The following CCDC88A variants were observed in gnomAD, a reference collection of about 807,000 sequenced individuals.
CCDC88A encodes the protein girdin.
A neutral mutation model predicts 234.3 loss-of-function variants in CCDC88A; 54 were observed. The ratio of observed to expected loss-of-function variants is 0.23; its 90% CI spans 0.19 to 0.29. The LOEUF (loss-of-function observed/expected upper bound fraction) is 0.29, where lower values mean the gene tolerates loss of function less well. Among genes scored for constraint, CCDC88A ranks in the 10% least tolerant of loss-of-function variants. The probability of loss-of-function intolerance (pLI) is 1.00; values close to 1 mark genes in which losing one functional copy is unlikely to be tolerated. For synonymous variants in CCDC88A, 753 were observed against 737.8 expected, an observed-to-expected ratio of 1.02 and a Z score of -0.33; for missense variants, 1,832 against 2,123.4, an observed-to-expected ratio of 0.86 and a Z score of 2.70.
intron 5 of CCDC88A, 33 bp from the exon 6 acceptor site, chr2:55,364,066 T>A (rs1252509227): frequency 1.1e-5 from 12 of 1,046,656 alleles, no homozygotes; most frequent in Non-Finnish European, 1.7e-5. Flanking sequence ...TTATTCATAC[T>A]TTATAGGGTA....
At chr2:55,364,791 T>C (rs1671748400) in intron 5 of CCDC88A, among the ~76,000 whole-genome samples, 1 of 152,144 alleles carries the variant, frequency 6.6e-6, no homozygotes, top group South Asian at 2.1e-4. Flanking sequence ...CAATTTAACA[T>C]GCATTTTAAT....
At chr2:55,380,703 C>G (rs1042592493) in intron 3 of CCDC88A, among the ~76,000 whole-genome samples, 1 of 152,166 alleles carries the variant, frequency 6.6e-6, no homozygotes, top group Non-Finnish European at 1.5e-5. Flanking sequence ...GCAACCTCTG[C>G]CTCCTGGGTT....
chr2:55,357,083 G>A (rs1344458405), intron 7 of CCDC88A, among the ~76,000 whole-genome samples: 3 of 152,170 alleles, frequency 2.0e-5, no homozygotes, highest in South Asian at 2.1e-4. Context: ...TATGAACAAC[G>A]GTTCTTGGAG....
chr2:55,376,989 C>G (rs1188563212), intron 3 of CCDC88A, among the ~76,000 whole-genome samples: 1 of 152,064 alleles, frequency 6.6e-6, no homozygotes, highest in Non-Finnish European at 1.5e-5. Context: ...CACCACCATG[C>G]CTGGCTAATT....
chr2:55,369,836 C>A (rs967961676), intron 5 of CCDC88A, among the ~76,000 whole-genome samples: 4 of 152,114 alleles, frequency 2.6e-5, no homozygotes, highest in African/African-American at 9.7e-5. Flanking sequence ...GAAAATACTT[C>A]TTCAATGCAC....
At chr2:55,327,752 T>C (rs758782334) in intron 17 of CCDC88A, among the ~76,000 whole-genome samples, 8 of 152,226 alleles carry the variant, frequency 5.3e-5, no homozygotes, top group Non-Finnish European at 8.8e-5. Flanking sequence ...CCCTTATATT[T>C]TGATTTACTT....
intron 3 of CCDC88A, among the ~76,000 whole-genome samples, chr2:55,382,524 GT>G (rs1000702744): frequency 2.6e-5 from 4 of 152,140 alleles, no homozygotes; most frequent in Admixed American, 2.0e-4. Flanking sequence ...ACTAAAATTT[GT>G]TTACTTGTAA....
intron 3 of CCDC88A, among the ~76,000 whole-genome samples, chr2:55,380,748 T>C (rs1005139261): frequency 2.0e-5 from 3 of 152,156 alleles, no homozygotes; most frequent in Non-Finnish European, 4.4e-5. Flanking sequence ...CCCAAGTAGC[T>C]GAAACTACAG....
chr2:55,367,948 T>C (rs1672264846), intron 5 of CCDC88A, among the ~76,000 whole-genome samples: 1 of 152,180 alleles, frequency 6.6e-6, no homozygotes, highest in South Asian at 2.1e-4. Flanking sequence ...CCTGCACTGA[T>C]AGGTATTATG....
chr2:55,418,692 TC>T, intron 2 of CCDC88A, 123 bp downstream of exon 2: 1 of 710,886 alleles, frequency 1.4e-6, no homozygotes, highest in Non-Finnish European at 2.5e-6. Flanking sequence ...AAGATCCAAT[TC>T]TTAAACCACC....
chr2:55,325,938 T>G (rs1037899895), intron 17 of CCDC88A, among the ~76,000 whole-genome samples: 1 of 152,228 alleles, frequency 6.6e-6, no homozygotes, highest in Non-Finnish European at 1.5e-5. Context: ...ATATAGCCAA[T>G]CTAGCAATTT....
rs539688863 is a variant in CCDC88A, at chr2:55,291,770, C to T, written c.5557G>A (p.Asp1853Asn). Reference protein sequence around the residue: ...DSNTTAASNVDKVQESRNSKS... With the variant: ...DSNTTAASNVNKVQESRNSKS... ...GAATTTCTGCTTTCTTGTACTTTGTCCACATCTGCAGGAGAAAAGCATTTC... is the reference window on the plus strand; with the variant it reads ...GAATTTCTGCTTTCTTGTACTTTGTTCACATCTGCAGGAGAAAAGCATTTC... The change falls in exon 32 of 33, where the codon GAC becomes AAC. Residue 1853 changes from aspartate (D) to asparagine (N), a missense_variant. Transcript: ENST00000436346. The T allele has an allele frequency of 6.2e-7, 1 of 1,610,728 alleles. No homozygotes were observed. Among genetic ancestry groups the T allele is most frequent in the Non-Finnish European group, 8.5e-7 (1 of 1,177,722 alleles).
chr2:55,379,757 T>C (rs759557843), intron 3 of CCDC88A, among the ~76,000 whole-genome samples: 7 of 151,110 alleles, frequency 4.6e-5, no homozygotes, highest in Non-Finnish European at 1.0e-4. Flanking sequence ...CTACTAAAAA[T>C]AGAAAATTAG....
At chr2:55,330,147 T>C (rs548071179) in intron 16 of CCDC88A, 1 of 152,174 alleles carries the variant, frequency 6.6e-6, no homozygotes, top group Non-Finnish European at 1.5e-5. Flanking sequence ...AGAATAAGTA[T>C]CTTAATAATA....
intron 2 of CCDC88A, among the ~76,000 whole-genome samples, chr2:55,392,196 T>C (rs978142581): frequency 1.3e-5 from 2 of 152,230 alleles, no homozygotes; most frequent in Non-Finnish European, 2.9e-5. Context: ...CTGGTCTACC[T>C]ACATATTCCC....
At chr2:55,355,222 A>T (rs1179020176) in intron 8 of CCDC88A, 3 of 214,982 alleles carry the variant, frequency 1.4e-5, no homozygotes, top group African/African-American at 7.1e-5. Flanking sequence ...GGTGTAAAAC[A>T]TTAATTTTAA....
intron 2 of CCDC88A, among the ~76,000 whole-genome samples, chr2:55,392,474 C>T (rs11692239): frequency 0.51 from 76,806 of 152,010 alleles, 21,498 homozygotes; most frequent in Admixed American, 0.63. Flanking sequence ...CATGGTGTAT[C>T]TCTCTACATT....
intron 13 of CCDC88A, among the ~76,000 whole-genome samples, chr2:55,338,663 C>T (rs575786326): frequency 7.2e-5 from 11 of 152,226 alleles, no homozygotes; most frequent in African/African-American, 2.6e-4. Context: ...AGAAAATGTT[C>T]AAGATGAGCC....
At chr2:55,353,403 G>A (rs963186486) in intron 8 of CCDC88A, among the ~76,000 whole-genome samples, 1 of 152,026 alleles carries the variant, frequency 6.6e-6, no homozygotes. Context: ...TTTTCCTGGT[G>A]CAGCTGTTTA....
Sources: gnomAD v4.1 joint callset for allele counts (sites outside exome capture counted in the v4.1 genomes callset) on GRCh38, gnomAD v4.1.1 for gene constraint, MANE v1.5 for transcripts, NCBI Gene and HGNC (gene_info 2026-07-23, HGNC 2026-07-21) for gene names.